The following P2RY12 variants were observed in gnomAD, a reference collection of about 807,000 sequenced individuals.
P2RY12 encodes the protein purinergic receptor P2Y12.
P2RY12 carries 3 observed loss-of-function variants against 4.5 expected under a neutral mutation model. The observed-to-expected ratio is 0.67, with a 90% CI of 0.31 to 1.74. The LOEUF (loss-of-function observed/expected upper bound fraction) is 1.74, where lower values mean the gene tolerates loss of function less well. Ranked by LOEUF, P2RY12 falls within the 40% of genes most tolerant of loss-of-function variation. The probability of loss-of-function intolerance (pLI) is 0.09; values close to 1 mark genes in which losing one functional copy is unlikely to be tolerated. For synonymous variants in P2RY12, 148 were observed against 154.1 expected (o/e 0.96, Z 0.29); for missense variants, 356 against 407.8 (o/e 0.87, Z 1.09).
At chr3:151,372,106 G>C (rs1756257730) in intron 1 of P2RY12, among the ~76,000 whole-genome samples, 1 of 152,144 alleles carries the variant, frequency 6.6e-6, no homozygotes, top group African/African-American at 2.4e-5. Flanking sequence ...TAGTAAGGTG[G>C]GCTAAGGCAA....
rs770785481 is a variant in P2RY12 at position 151,365,127 on chromosome 3, A to G, written c.-180+19565T>C. The G allele has an allele frequency of 2.4e-5, 38 of 1,613,978 alleles. No homozygotes were observed. The Admixed American group carries it at 3.3e-4, about 14-fold the overall frequency. ...CTACTCAATGCTGGGCAAGATCCTCAGTGACAATGCGGCCAATCGCTACAG... is the reference window on the plus strand; with the variant it reads ...CTACTCAATGCTGGGCAAGATCCTCGGTGACAATGCGGCCAATCGCTACAG... On this transcript the variant is annotated intron_variant, in intron 1 of 2. Transcript: ENST00000302632.
chr3:151,382,389 G>A (rs189151040), intron 1 of P2RY12, among the ~76,000 whole-genome samples: 1 of 151,946 alleles, frequency 6.6e-6, no homozygotes, highest in African/African-American at 2.4e-5. Flanking sequence ...TAATTTGATG[G>A]CCCTCTCAAG....
At chr3:151,345,517 CTT>C (rs201731496) in intron 1 of P2RY12, among the ~76,000 whole-genome samples, 8 of 131,630 alleles carry the variant, frequency 6.1e-5, no homozygotes, top group Non-Finnish European at 6.5e-5. Flanking sequence ...TTTTCTTTTT[CTT>C]TTTTTTTTTT....
chr3:151,376,146 C>A (rs758289199), intron 1 of P2RY12: 2 of 1,610,050 alleles, frequency 1.2e-6, no homozygotes, highest in Admixed American at 1.7e-5. Flanking sequence ...TATCTGTTAT[C>A]CTCATGGCAT....
intron 1 of P2RY12, among the ~76,000 whole-genome samples, chr3:151,351,440 C>A (rs1190890451): frequency 6.6e-6 from 1 of 152,202 alleles, no homozygotes; most frequent in African/African-American, 2.4e-5. Context: ...AATACCTCAG[C>A]TCTCTGAGGA....
intron 1 of P2RY12, chr3:151,365,867 A>T: frequency 6.2e-7 from 1 of 1,610,058 alleles, no homozygotes; most frequent in East Asian, 2.2e-5. Context: ...GACATAGCCA[A>T]TTTCTCCTCT....
chr3:151,353,880 G>A (rs1359824586), intron 1 of P2RY12, among the ~76,000 whole-genome samples: 1 of 151,940 alleles, frequency 6.6e-6, no homozygotes, highest in Non-Finnish European at 1.5e-5. Context: ...GGTGGCTCAC[G>A]CCTGTAATCC....
At chr3:151,372,546 T>A (rs1577479662) in intron 1 of P2RY12, 2 of 1,603,182 alleles carry the variant, frequency 1.2e-6, no homozygotes, top group East Asian at 4.5e-5. Flanking sequence ...GTGATTTTGC[T>A]TTTGTGATTC....
At chr3:151,368,668 TCA>T (rs1441345930) in intron 1 of P2RY12, among the ~76,000 whole-genome samples, 33 of 77,642 alleles carry the variant, frequency 4.3e-4, no homozygotes, top group African/African-American at 1.6e-3. Context: ...TCATTTCATT[TCA>T]TTTCATGTCA....
intron 1 of P2RY12, among the ~76,000 whole-genome samples, chr3:151,348,543 C>T (rs1238660585): frequency 6.6e-6 from 1 of 150,926 alleles, no homozygotes; most frequent in East Asian, 1.9e-4. Flanking sequence ...TAAATAAGAA[C>T]AGCTTCTAAG....
chr3:151,354,321 C>T (rs1219191795), intron 1 of P2RY12, among the ~76,000 whole-genome samples: 1 of 151,876 alleles, frequency 6.6e-6, no homozygotes, highest in Admixed American at 6.6e-5. Context: ...AAGAGTACCC[C>T]TAGAATAAGC....
intron 1 of P2RY12, among the ~76,000 whole-genome samples, chr3:151,358,625 G>A (rs1004492689): frequency 9.9e-5 from 15 of 151,966 alleles, no homozygotes; most frequent in African/African-American, 3.6e-4. Context: ...GTATCATTTA[G>A]TTTGGCCTTG....
intron 1 of P2RY12, chr3:151,355,044 TA>T (rs981990195): frequency 2.2e-4 from 226 of 1,044,364 alleles, no homozygotes; most frequent in African/African-American, 7.2e-4. Flanking sequence ...TGCTATACTT[TA>T]AAAAAAAGTA....
intron 1 of P2RY12, among the ~76,000 whole-genome samples, chr3:151,348,441 T>G (rs1752827735): frequency 6.6e-6 from 1 of 151,650 alleles, no homozygotes; most frequent in Non-Finnish European, 1.5e-5. Flanking sequence ...CTCATTCAGA[T>G]GCGCAGCCAG....
intron 1 of P2RY12, among the ~76,000 whole-genome samples, chr3:151,353,971 C>A (rs1287192061): frequency 6.7e-6 from 1 of 149,226 alleles, no homozygotes; most frequent in African/African-American, 2.5e-5. Flanking sequence ...GAAACCCCGT[C>A]TCTACTAAAA....
At chr3:151,355,823 TAAA>T in intron 1 of P2RY12, 1 of 1,373,186 alleles carries the variant, frequency 7.3e-7, no homozygotes, top group Non-Finnish European at 9.8e-7. Context: ...TCTTAAAAAG[TAAA>T]AATGATTTAT....
rs374826952 is a variant in P2RY12, at chr3:151,379,680, C to G, written c.-180+5012G>C. ...ACAAAATCAAACCCCAAAACAAGCTCAACAGACATATATATAGGCCTGTTT... is the reference window on the plus strand; with the variant it reads ...ACAAAATCAAACCCCAAAACAAGCTGAACAGACATATATATAGGCCTGTTT... On this transcript the variant is annotated intron_variant, in intron 1 of 2. Transcript: ENST00000302632. 1.2e-4 allele frequency among the ~76,000 whole-genome samples: 18 copies of G among 152,232 alleles called. No homozygotes were observed. The East Asian group carries it at 3.5e-3, about 29-fold the overall frequency.
At chr3:151,367,744 A>G (rs1755458942) in intron 1 of P2RY12, 2 of 1,610,522 alleles carry the variant, frequency 1.2e-6, no homozygotes, top group East Asian at 2.2e-5. Flanking sequence ...AGCATGTCGC[A>G]CTTCCCTCTC....
At chr3:151,351,755 A>G (rs1407526563) in intron 1 of P2RY12, among the ~76,000 whole-genome samples, 1 of 152,184 alleles carries the variant, frequency 6.6e-6, no homozygotes. Flanking sequence ...GGGTCTTTCC[A>G]GAGCCTATGG....
Sources: gnomAD v4.1 joint callset for allele counts (sites outside exome capture counted in the v4.1 genomes callset) on GRCh38, gnomAD v4.1.1 for gene constraint, MANE v1.5 for transcripts, NCBI Gene and HGNC (gene_info 2026-07-23, HGNC 2026-07-21) for gene names.